The following PCDHA12 variants were observed in gnomAD, a reference collection of about 807,000 sequenced individuals.
The protein encoded by PCDHA12 is protocadherin alpha-12.
PCDHA12 carries 44 observed loss-of-function variants against 60.0 expected under a neutral mutation model. That is an observed-to-expected ratio of 0.73 (90% CI 0.58 to 0.94). The LOEUF is 0.94. PCDHA12 is among the 40% of genes least tolerant of loss of function. The pLI is 0.00. For synonymous variants in PCDHA12, 569 were observed against 553.0 expected, an observed-to-expected ratio of 1.03 and a Z score of -0.40; for missense variants, 1,276 against 1,239.7, an observed-to-expected ratio of 1.03 and a Z score of -0.44.
At chr5:140,929,370 C>T in intron 1 of PCDHA12, 1 of 1,515,732 alleles carries the variant, frequency 6.6e-7, no homozygotes, top group Non-Finnish European at 8.8e-7. Flanking sequence ...CCGGAGATGG[C>T]TGCTAGCTGT....
At chr5:140,943,974 T>G (rs1356208474) in intron 1 of PCDHA12, among the ~76,000 whole-genome samples, 2 of 152,022 alleles carry the variant, frequency 1.3e-5, no homozygotes, top group African/African-American at 4.8e-5. Flanking sequence ...TTAAAGTAAT[T>G]AAGAAAACAG....
At chr5:140,884,435 T>C (rs1554181555) in intron 1 of PCDHA12, 1 of 1,613,872 alleles carries the variant, frequency 6.2e-7, no homozygotes, top group East Asian at 2.2e-5. Flanking sequence ...TGCGCTGCGG[T>C]GCTCGGCACC....
At chr5:140,884,295 C>G in intron 1 of PCDHA12, 1 of 1,613,680 alleles carries the variant, frequency 6.2e-7, no homozygotes, top group Non-Finnish European at 8.5e-7. Flanking sequence ...GGCCAAGCGC[C>G]ACAGGCTTCG....
In PCDHA12 at chr5:140,925,595, A is replaced by G. The variant is rs145876147; in HGVS notation, c.2367+47756A>G. 2.8e-3 allele frequency among the ~76,000 whole-genome samples: 431 copies of G among 151,786 alleles called. 1 individual carries two copies. Among genetic ancestry groups the G allele is most frequent in the African/African-American group, 9.9e-3 (412 of 41,446 alleles). On this transcript the variant is annotated intron_variant, in intron 1 of 3. Coordinates refer to ENST00000398631, the MANE Select transcript of PCDHA12 (RefSeq NM_018903.4). ...ACACCAACATGGCGCATGTATACAT[A>G]TGTAACAAACCTGCACGTTGTGCAC...
Position 140,877,627 on chromosome 5 carries a change from A to G in PCDHA12, c.2155A>G (p.Thr719Ala), listed in dbSNP as rs782765998. Reference sequence around the variant, plus strand: ...GCTGGTGCTCACGCTGCTGCTGTACACTGCGCTGCGTTGCTCAGCGCCGCC... The same window carrying G: ...GCTGGTGCTCACGCTGCTGCTGTACGCTGCGCTGCGTTGCTCAGCGCCGCC... ...SLLVLTLLLY[T>A]ALRCSAPPTV... Residue 719 changes from threonine (T) to alanine (A), a missense_variant, in exon 1 of 4, where the codon ACT (threonine) becomes GCT (alanine). Physicochemically the swap from Thr to Ala is moderately conservative, Grantham distance 58. Coordinates refer to ENST00000398631, the MANE Select transcript of PCDHA12 (RefSeq NM_018903.4). 1.9e-6 allele frequency: 3 copies of G among 1,613,732 alleles called. No homozygotes were observed. The highest frequency in any genetic ancestry group is 3.3e-5 in the Admixed American group (2 of 60,018).
chr5:140,982,615 A>G, intron 3 of PCDHA12, 52 bp downstream of exon 3: 1 of 1,596,392 alleles, frequency 6.3e-7, no homozygotes, highest in Non-Finnish European at 8.6e-7. Context: ...AAGTGATCAG[A>G]TGACCTACTT....
chr5:140,884,468 C>G, intron 1 of PCDHA12: 4 of 1,613,762 alleles, frequency 2.5e-6, no homozygotes, highest in Non-Finnish European at 3.4e-6. Context: ...CGCGTGCGCG[C>G]CGGGCAAGCC....
Position 140,912,120 on chromosome 5 carries a change from G to A in PCDHA12, c.2367+34281G>A, listed in dbSNP as rs371645551. On this transcript the variant is annotated intron_variant, in intron 1 of 3. Transcript: ENST00000398631. ...AGAAAGATGTAGGCTGGGAGGCTAA[G>A]TCAGTCTAATCTCTCCATGTTCTTC... Among the ~76,000 whole-genome samples the A allele has an allele frequency of 1.7e-4, 26 of 152,328 alleles. 3 individuals are homozygous for A. In the East Asian group the frequency reaches 1.9e-3, roughly 11 times the overall value.
chr5:141,000,912 A>G (rs1434885581), intron 3 of PCDHA12, among the ~76,000 whole-genome samples: 1 of 152,194 alleles, frequency 6.6e-6, no homozygotes, highest in East Asian at 1.9e-4. Context: ...TGTCTCTAAA[A>G]AAAAAAATCC....
intron 3 of PCDHA12, among the ~76,000 whole-genome samples, chr5:141,004,872 C>T (rs1242067093): frequency 6.6e-6 from 1 of 152,042 alleles, no homozygotes; most frequent in Non-Finnish European, 1.5e-5. Context: ...GTTTCTCATC[C>T]CTAAAGTGCT....
intron 1 of PCDHA12, among the ~76,000 whole-genome samples, chr5:140,919,772 A>G (rs1421766938): frequency 6.6e-6 from 1 of 152,102 alleles, no homozygotes; most frequent in Non-Finnish European, 1.5e-5. Context: ...TATTACTGTT[A>G]CACATATTAC....
At chr5:140,997,465 A>G (rs1427334533) in intron 3 of PCDHA12, among the ~76,000 whole-genome samples, 1 of 152,182 alleles carries the variant, frequency 6.6e-6, no homozygotes, top group Non-Finnish European at 1.5e-5. Flanking sequence ...ACTGTAGGCA[A>G]TTTTTACACA....
In PCDHA12 at chr5:140,875,922, T is replaced by C; in HGVS notation, c.450T>C (p.Ser150=). The C allele has an allele frequency of 6.2e-7, 1 of 1,614,200 alleles. No individual in the cohort carries two copies. The highest frequency in any genetic ancestry group is 1.1e-5 in the South Asian group (1 of 91,090). The change falls in exon 1 of 4, where the codon TCT becomes TCC. Residue 150 remains serine, a synonymous_variant. Coordinates refer to ENST00000398631, the MANE Select transcript of PCDHA12 (RefSeq NM_018903.4). ...VPVSESAPLD[S]HFPLEGASDA... Reference sequence around the variant, plus strand: ...TTTCTGAATCTGCGCCTCTGGACTCTCATTTTCCTCTAGAGGGCGCTTCTG... The same window carrying C: ...TTTCTGAATCTGCGCCTCTGGACTCCCATTTTCCTCTAGAGGGCGCTTCTG...
chr5:140,885,290 A>G (rs1344746797), intron 1 of PCDHA12, among the ~76,000 whole-genome samples: 2 of 152,190 alleles, frequency 1.3e-5, no homozygotes, highest in African/African-American at 4.8e-5. Context: ...ATATATAGAG[A>G]GAGACCTGGT....
chr5:140,907,235 T>C, intron 1 of PCDHA12, among the ~76,000 whole-genome samples: 1 of 152,234 alleles, frequency 6.6e-6, no homozygotes, highest in East Asian at 1.9e-4. Context: ...TGTCACCTAG[T>C]TGACATTGTA....
At chr5:140,955,155 C>T (rs1241099289) in intron 1 of PCDHA12, among the ~76,000 whole-genome samples, 1 of 152,088 alleles carries the variant, frequency 6.6e-6, no homozygotes, top group Non-Finnish European at 1.5e-5. Context: ...GTACCAGTAC[C>T]GTGCTGTTTT....
chr5:140,897,781 T>G (rs1437567567), intron 1 of PCDHA12, among the ~76,000 whole-genome samples: 1 of 152,172 alleles, frequency 6.6e-6, no homozygotes, highest in East Asian at 1.9e-4. Flanking sequence ...TCCACAATGG[T>G]TGAACTAGTT....
chr5:140,944,276 A>C (rs2093633258), intron 1 of PCDHA12, among the ~76,000 whole-genome samples: 1 of 152,002 alleles, frequency 6.6e-6, no homozygotes, highest in Non-Finnish European at 1.5e-5. Flanking sequence ...CAGCCTTGAC[A>C]CCCCGGGCTC....
intron 1 of PCDHA12, chr5:140,882,497 G>A (rs1554174299): frequency 6.2e-7 from 1 of 1,614,140 alleles, no homozygotes; most frequent in South Asian, 1.1e-5. Context: ...CCTTCTGGAG[G>A]TAAATCTGCA....
Sources: gnomAD v4.1 joint callset for allele counts (sites outside exome capture counted in the v4.1 genomes callset) on GRCh38, gnomAD v4.1.1 for gene constraint, MANE v1.5 for transcripts, NCBI Gene and HGNC (gene_info 2026-07-23, HGNC 2026-07-21) for gene names.